The following OSBPL10 variants were observed in gnomAD, a reference collection of about 807,000 sequenced individuals.
OSBPL10 encodes oxysterol-binding protein-related protein 10.
A neutral mutation model predicts 81.7 loss-of-function variants in OSBPL10; 49 were observed. The ratio of observed to expected loss-of-function variants is 0.60; its 90% confidence interval spans 0.48 to 0.76. The LOEUF is 0.76. Among genes scored for constraint, OSBPL10 ranks in the 30% least tolerant of loss-of-function variants. OSBPL10 has a pLI of 0.00. For synonymous variants in OSBPL10, 419 were observed against 383.6 expected (o/e 1.09, Z -1.08); for missense variants, 923 against 987.8 (o/e 0.93, Z 0.88).
At chr3:31,949,020 A>G (rs1210061763) in intron 1 of OSBPL10, among the ~76,000 whole-genome samples, 1 of 152,230 alleles carries the variant, frequency 6.6e-6, no homozygotes, top group African/African-American at 2.4e-5. Context: ...TTACCAGCCA[A>G]GTCCAAAGGA....
intron 2 of OSBPL10, among the ~76,000 whole-genome samples, chr3:32,013,799 A>G (rs989258767): frequency 2.0e-4 from 31 of 152,252 alleles, no homozygotes; most frequent in Non-Finnish European, 1.6e-4. Flanking sequence ...AACTACCATC[A>G]GAGAATACTA....
chr3:31,879,515 G>T, intron 2 of OSBPL10, 140 bp downstream of exon 2: 1 of 792,852 alleles, frequency 1.3e-6, no homozygotes, highest in Non-Finnish European at 1.9e-6. Context: ...GATAAGAGAG[G>T]CAATGTGTGT....
chr3:32,063,161 T>G lies in OSBPL10; in HGVS notation n.185+14235A>C, dbSNP rs937979987. On this transcript the variant is annotated intron_variant and non_coding_transcript_variant, in intron 1 of 3. Coordinates refer to the OSBPL10 transcript ENST00000479173. ...TTGTCTCTTGGTAGCTGAATCGACT[T>G]GGACATGTTTCAAGAGTAGAATAAC... Among the ~76,000 whole-genome samples, 5 of 93,492 alleles carry G rather than the reference T, an allele frequency of 5.3e-5. 2 individuals are homozygous for G. Among genetic ancestry groups the G allele is most frequent in the African/African-American group, 8.3e-5 (3 of 36,276 alleles). The allele number at this position is 93,492 out of a possible 152,430, so 61.3% of individuals were successfully genotyped here. A position where few individuals can be genotyped will look rare whatever the true frequency, so the allele number is the denominator to read the frequency against.
chr3:31,720,881 C>CAAAAAAAAAAAAAAA lies in OSBPL10; in HGVS notation c.1095+12361_1095+12375dup, dbSNP rs61492992. ...TGGGCAACAGAGCGAGACTCTGTCT[C>CAAAAAAAAAAAAAAA]AAAAAAAAAAAAAAAAAAAAAAAGG... is the stretch of plus-strand genomic sequence containing the variant. On this transcript the variant is annotated intron_variant, in intron 6 of 11. Transcript: ENST00000396556. 8.7e-4 allele frequency among the ~76,000 whole-genome samples: 58 copies of CAAAAAAAAAAAAAAA among 66,304 alleles called. 2 individuals carry two copies. Among genetic ancestry groups the CAAAAAAAAAAAAAAA allele is most frequent in the South Asian group, 2.4e-3 (4 of 1,662 alleles). 43.5% of individuals were successfully genotyped at this position (66,304 alleles called of 152,430 possible). A position where few individuals can be genotyped will look rare whatever the true frequency, so the allele number is the denominator to read the frequency against.
intron 11 of OSBPL10, chr3:31,663,579 G>T: frequency 2.0e-6 from 2 of 1,015,894 alleles, no homozygotes; most frequent in Non-Finnish European, 2.4e-6. Context: ...TTAGGCACAG[G>T]ACTCAGGCTG....
intron 4 of OSBPL10, among the ~76,000 whole-genome samples, chr3:31,808,326 C>T (rs7646594): frequency 0.07 from 10,650 of 152,292 alleles, 487 homozygotes; most frequent in Middle Eastern, 0.11. Flanking sequence ...CCAGGAAAGG[C>T]TCACACTGAC....
rs199925914 is a variant in OSBPL10, at chr3:31,763,216, AT to A, written c.730-15097del. Among the ~76,000 whole-genome samples, 869 of 152,368 alleles carry A rather than the reference AT, an allele frequency of 5.7e-3. 11 individuals are homozygous for A. Among genetic ancestry groups the A allele is most frequent in the African/African-American group, 9.9e-3 (411 of 41,598 alleles). Reference sequence around the variant, plus strand: ...TCTGTCAGTTCTCTAATCAGAAATCATTTAACACACATCATATAAAACAAAA... The same window carrying A: ...TCTGTCAGTTCTCTAATCAGAAATCATTAACACACATCATATAAAACAAAA... On this transcript the variant is annotated intron_variant, in intron 4 of 11. Transcript: ENST00000396556.
chr3:31,820,524 G>A (rs1275606451), intron 4 of OSBPL10, among the ~76,000 whole-genome samples: 1 of 151,914 alleles, frequency 6.6e-6, no homozygotes, highest in Non-Finnish European at 1.5e-5. Flanking sequence ...AAATCCGGGA[G>A]GCGGAGGTTG....
intron 3 of OSBPL10, among the ~76,000 whole-genome samples, chr3:31,850,155 ACT>A (rs961309964): frequency 7.2e-5 from 11 of 151,860 alleles, no homozygotes; most frequent in Non-Finnish European, 1.2e-4. Context: ...ACACAGTGAA[ACT>A]CTGTCTCAAA....
chr3:31,924,229 AG>A (rs202157624), intron 1 of OSBPL10, among the ~76,000 whole-genome samples: 4,217 of 146,532 alleles, frequency 0.029, 292 homozygotes, highest in East Asian at 0.25. Flanking sequence ...AAAAAAAAAA[AG>A]AAAGAAAGAA....
At chr3:31,702,612 G>A in intron 6 of OSBPL10, 104 bp from the exon 7 acceptor site, 6 of 1,473,292 alleles carry the variant, frequency 4.1e-6, no homozygotes, top group Non-Finnish European at 5.5e-6. Flanking sequence ...ACCCAATCCT[G>A]TCCCGGGCAG....
chr3:31,947,466 G>A (rs966885246), intron 1 of OSBPL10, among the ~76,000 whole-genome samples: 3 of 152,212 alleles, frequency 2.0e-5, no homozygotes, highest in Non-Finnish European at 2.9e-5. Context: ...TGCCTATAGC[G>A]AGTGTCCAAA....
intron 4 of OSBPL10, among the ~76,000 whole-genome samples, chr3:31,764,413 GGGGAC>G (rs1698141096): frequency 6.6e-6 from 1 of 152,184 alleles, no homozygotes; most frequent in African/African-American, 2.4e-5. Flanking sequence ...ATGGAGGAGA[GGGGAC>G]GGGAGAGAAG....
chr3:31,857,072 TGTGGGCA>T (rs1316595028), intron 3 of OSBPL10, among the ~76,000 whole-genome samples: 3 of 152,164 alleles, frequency 2.0e-5, no homozygotes, highest in African/African-American at 7.2e-5. Flanking sequence ...GAAGTTTTCA[TGTGGGCA>T]GTACTAACCC....
chr3:31,991,901 G>A lies in OSBPL10; in HGVS notation n.298+54590C>T, dbSNP rs145476887. ...ATGCCAGGTGCAGTGGCTCATGCCT[G>A]TAATCCCAGCACTTTGGGTGGATCA... On this transcript the variant is annotated intron_variant and non_coding_transcript_variant, in intron 2 of 3. Coordinates refer to the OSBPL10 transcript ENST00000479173. Among the ~76,000 whole-genome samples the A allele has an allele frequency of 1.3e-3, 191 of 151,852 alleles. 1 individual carries two copies. Among genetic ancestry groups the A allele is most frequent in the African/African-American group, 4.4e-3 (182 of 41,378 alleles).
Position 32,062,209 on chromosome 3 carries a change from G to T in OSBPL10, n.185+15187C>A, listed in dbSNP as rs1172849352. Among the ~76,000 whole-genome samples the T allele has an allele frequency of 2.2e-5, 2 of 92,884 alleles. 1 individual carries two copies. Among genetic ancestry groups the T allele is most frequent in the Non-Finnish European group, 5.8e-5 (2 of 34,624 alleles). The allele number at this position is 92,884 out of a possible 152,430, so 60.9% of individuals were successfully genotyped here. A position where few individuals can be genotyped will look rare whatever the true frequency, so the allele number is the denominator to read the frequency against. On this transcript the variant is annotated intron_variant and non_coding_transcript_variant, in intron 1 of 3. Coordinates refer to the OSBPL10 transcript ENST00000479173. ...TGCAACCTCCACCTCCCAGGTTCAA[G>T]AGATTCTGCCTCAGCCTCCCAAGTA...
At chr3:31,979,756 T>C (rs1197943392) in intron 1 of OSBPL10, among the ~76,000 whole-genome samples, 2 of 151,512 alleles carry the variant, frequency 1.3e-5, no homozygotes, top group African/African-American at 4.8e-5. Context: ...GCCACATCTG[T>C]TCTTGTCTTC....
At chr3:31,989,192 G>A in intron 2 of OSBPL10, 1 of 1,614,096 alleles carries the variant, frequency 6.2e-7, no homozygotes, top group Non-Finnish European at 8.5e-7. Flanking sequence ...TTGGAGGAGT[G>A]GAAATGCCTG....
intron 6 of OSBPL10, chr3:31,717,004 A>C (rs1274358687): frequency 6.6e-6 from 1 of 152,248 alleles, no homozygotes; most frequent in African/African-American, 2.4e-5. Context: ...CAGGAGCATC[A>C]CAAACCACAG....
Sources: gnomAD v4.1 joint callset for allele counts (sites outside exome capture counted in the v4.1 genomes callset) on GRCh38, gnomAD v4.1.1 for gene constraint, MANE v1.5 for transcripts, NCBI Gene and HGNC (gene_info 2026-07-23, HGNC 2026-07-21) for gene names.